ADGRV1: variants seen among roughly 807,000 people sequenced by gnomAD.
The protein encoded by ADGRV1 is adhesion G protein-coupled receptor V1.
In ADGRV1, 359 loss-of-function variants were observed where a neutral mutation model predicts 596.2. That is an observed-to-expected ratio of 0.60 (90% CI 0.55 to 0.66). The LOEUF (loss-of-function observed/expected upper bound fraction) is 0.66, where lower values mean the gene tolerates loss of function less well. Ranked by LOEUF, ADGRV1 falls within the 30% of genes least tolerant of loss-of-function variation. The pLI is 0.00. For synonymous variants in ADGRV1, 2,681 were observed against 2,679.2 expected (o/e 1.00, Z -0.02); for missense variants, 7,274 against 7,575.6 (o/e 0.96, Z 1.48).
chr5:90,716,694 G>A lies in ADGRV1; in HGVS notation c.9412G>A (p.Gly3138Ser). Residue 3138 changes from glycine (G) to serine (S), a missense_variant, in exon 43 of 90, where the codon GGC (glycine) becomes AGC (serine). By Grantham distance (56) the Gly-to-Ser change is moderately conservative. Around this residue, in one of 5 missense-constraint regions of ADGRV1, gnomAD observed 3,643 missense variants for 3,809.2 expected, o/e 0.96. Coordinates refer to ENST00000405460, the MANE Select transcript of ADGRV1 (RefSeq NM_032119.4). ...NESKDLTPSKGYIVLEEGVRF... is the reference protein window; with the variant it reads ...NESKDLTPSKSYIVLEEGVRF... ...ATCTAAAGATCTGACTCCTTCCAAA[G>A]GCTATATTGTTTTAGAAGAAGGTGT... 2 of 1,612,900 alleles carry A rather than the reference G, an allele frequency of 1.2e-6. No individual in the cohort carries two copies. Among genetic ancestry groups the A allele is most frequent in the Non-Finnish European group, 1.7e-6 (2 of 1,178,970 alleles).
At position 90,713,340 on chromosome 5, in the gene ADGRV1, C is replaced by CTT. The variant is rs540515777; in HGVS notation, c.9184+926_9184+927dup. Among the ~76,000 whole-genome samples the CTT allele has an allele frequency of 6.5e-4, 88 of 135,776 alleles. 1 individual carries two copies. Among genetic ancestry groups the CTT allele is most frequent in the African/African-American group, 1.9e-3 (71 of 37,778 alleles). The allele number at this position is 135,776 out of a possible 152,430, so 89.1% of individuals were successfully genotyped here. Reference sequence around the variant, plus strand: ...TTGATATTTCTAAGTCCCCAGAAGCCTTTTTTTTTTTTTTTGAGGCTGTGG... The same window carrying CTT: ...TTGATATTTCTAAGTCCCCAGAAGCCTTTTTTTTTTTTTTTTTGAGGCTGTGG... On this transcript the variant is annotated intron_variant, in intron 42 of 89. Transcript: ENST00000405460.
At chr5:91,046,879 A>G (rs544243088) in intron 85 of ADGRV1, among the ~76,000 whole-genome samples, 1 of 152,222 alleles carries the variant, frequency 6.6e-6, no homozygotes, top group African/African-American at 2.4e-5. Context: ...AATTCTCAAA[A>G]GAAGATATAC....
At chr5:91,055,676 T>C (rs1000416611) in intron 85 of ADGRV1, among the ~76,000 whole-genome samples, 6 of 152,220 alleles carry the variant, frequency 3.9e-5, no homozygotes, top group African/African-American at 1.4e-4. Context: ...TGTGAAATTA[T>C]CATGTTCTTT....
At chr5:90,891,592 T>A (rs1159456022) in intron 83 of ADGRV1, among the ~76,000 whole-genome samples, 2 of 152,050 alleles carry the variant, frequency 1.3e-5, no homozygotes, top group Admixed American at 6.6e-5. Context: ...TCAATTATGG[T>A]GTGATGATAA....
chr5:90,943,344 A>G (rs1249791640), intron 83 of ADGRV1, among the ~76,000 whole-genome samples: 1 of 152,038 alleles, frequency 6.6e-6, no homozygotes, highest in African/African-American at 2.4e-5. Flanking sequence ...TCAAGTCCCA[A>G]TTTTGCTACT....
At chr5:90,739,289 A>G (rs1753655637) in intron 50 of ADGRV1, among the ~76,000 whole-genome samples, 1 of 151,992 alleles carries the variant, frequency 6.6e-6, no homozygotes, top group Admixed American at 6.6e-5. Flanking sequence ...CATTCATTTT[A>G]TAGATCTCCA....
intron 85 of ADGRV1, among the ~76,000 whole-genome samples, chr5:91,056,675 C>T (rs1786898599): frequency 6.6e-6 from 1 of 152,034 alleles, no homozygotes; most frequent in African/African-American, 2.4e-5. Context: ...GATGATTGCT[C>T]TCACTTGGTC....
At chr5:90,586,225 A>G (rs990410645) in intron 1 of ADGRV1, among the ~76,000 whole-genome samples, 16 of 152,342 alleles carry the variant, frequency 1.1e-4, no homozygotes, top group Non-Finnish European at 2.4e-4. Context: ...TGTTTCATGT[A>G]TGTCTACATA....
At chr5:91,076,131 A>G (rs1225908013) in intron 86 of ADGRV1, among the ~76,000 whole-genome samples, 2 of 152,162 alleles carry the variant, frequency 1.3e-5, no homozygotes, top group Non-Finnish European at 2.9e-5. Flanking sequence ...CAGAATCTAA[A>G]CAACAGTGAT....
At chr5:90,981,622 G>C (rs1215198460) in intron 84 of ADGRV1, among the ~76,000 whole-genome samples, 1 of 152,160 alleles carries the variant, frequency 6.6e-6, no homozygotes, top group African/African-American at 2.4e-5. Flanking sequence ...ATGACATCCT[G>C]TCCAGGGCTG....
intron 17 of ADGRV1, among the ~76,000 whole-genome samples, chr5:90,649,271 G>T (rs9293549): frequency 0.27 from 41,750 of 151,942 alleles, 7,131 homozygotes; most frequent in Admixed American, 0.46. Flanking sequence ...CAAAGTGCTG[G>T]GATTACAGGC....
intron 68 of ADGRV1, among the ~76,000 whole-genome samples, chr5:90,788,672 C>T (rs866764543): frequency 7.3e-5 from 11 of 151,662 alleles, no homozygotes; most frequent in Non-Finnish European, 1.3e-4. Context: ...TAGTTATATT[C>T]CAGATAGTTT....
chr5:90,732,023 A>G (rs1301505480), intron 50 of ADGRV1, among the ~76,000 whole-genome samples: 5 of 152,040 alleles, frequency 3.3e-5, no homozygotes, highest in African/African-American at 9.7e-5. Context: ...TTTTTAAGGG[A>G]CAGCATTTTG....
chr5:90,778,531 C>T lies in ADGRV1; in HGVS notation c.12771C>T (p.Ile4257=). Residue 4257 remains isoleucine (I), a synonymous_variant, in exon 63 of 90, where the codon ATC becomes ATT. Transcript: ENST00000405460. Reference sequence around the variant, plus strand: ...GTGAATCCAGCAGCACTGCCAACATCACGGTGGTGGCCAGCGACTCTCCCT... The same window carrying T: ...GTGAATCCAGCAGCACTGCCAACATTACGGTGGTGGCCAGCGACTCTCCCT... The part of the protein sequence containing the change: ...VLSESSSTAN[I]TVVASDSPYG... 6.2e-7 allele frequency: 1 copy of T among 1,613,062 alleles called. No homozygotes were observed. Among genetic ancestry groups the T allele is most frequent in the Non-Finnish European group, 8.5e-7 (1 of 1,179,462 alleles).
chr5:90,662,083 A>C (rs989609185), intron 21 of ADGRV1, among the ~76,000 whole-genome samples: 1 of 152,052 alleles, frequency 6.6e-6, no homozygotes, highest in Non-Finnish European at 1.5e-5. Flanking sequence ...TCATATATAG[A>C]GTATACACAA....
intron 1 of ADGRV1, among the ~76,000 whole-genome samples, chr5:90,607,686 A>G (rs1762273104): frequency 6.6e-6 from 1 of 152,146 alleles, no homozygotes; most frequent in African/African-American, 2.4e-5. Context: ...GGGACTTTCT[A>G]ATAAGTGGTT....
chr5:90,840,477 T>C, intron 77 of ADGRV1, 101 bp from the exon 78 acceptor site: 2 of 976,598 alleles, frequency 2.0e-6, no homozygotes, highest in Non-Finnish European at 1.5e-6. Flanking sequence ...TGCCCTTCAG[T>C]TTGTTTAAGA....
At chr5:91,019,573 G>T (rs1783457387) in intron 85 of ADGRV1, among the ~76,000 whole-genome samples, 1 of 119,954 alleles carries the variant, frequency 8.3e-6, no homozygotes, top group Non-Finnish European at 1.7e-5. Context: ...AATTTACTTG[G>T]TTATTTCTCT....
chr5:91,088,037 C>T (rs1790042744), intron 86 of ADGRV1, among the ~76,000 whole-genome samples: 1 of 152,076 alleles, frequency 6.6e-6, no homozygotes, highest in African/African-American at 2.4e-5. Flanking sequence ...TAAATTTTAT[C>T]ATAAATAGCC....
Sources: gnomAD v4.1 joint callset for allele counts (sites outside exome capture counted in the v4.1 genomes callset) on GRCh38, gnomAD v4.1.1 for gene constraint, gnomAD v4.1.1 regional missense constraint, MANE v1.5 for transcripts, NCBI Gene and HGNC (gene_info 2026-07-23, HGNC 2026-07-21) for gene names.